The following GRM5 variants were observed in gnomAD, a reference collection of about 807,000 sequenced individuals.
GRM5 encodes glutamate metabotropic receptor 5.
Under a neutral mutation model 83.1 loss-of-function variants are expected in GRM5, and 19 were observed. The observed-to-expected ratio is 0.23, with a 90% CI of 0.16 to 0.34. The LOEUF is 0.34. Ranked by LOEUF, GRM5 falls within the 10% of genes least tolerant of loss-of-function variation. GRM5 has a pLI of 1.00. For synonymous variants in GRM5, 675 were observed against 633.6 expected (o/e 1.07, Z -0.98); for missense variants, 1,160 against 1,588.3 (o/e 0.73, Z 4.58).
At chr11:88,911,899 G>T (rs1478450150) in intron 2 of GRM5, 1 of 402,408 alleles carries the variant, frequency 2.5e-6, no homozygotes, top group African/African-American at 2.1e-5. Context: ...TGGAAATGGT[G>T]GTGGGGAACC....
chr11:88,932,364 G>T (rs1269818154), intron 2 of GRM5, among the ~76,000 whole-genome samples: 1 of 151,860 alleles, frequency 6.6e-6, no homozygotes, highest in Non-Finnish European at 1.5e-5. Context: ...CAGTTTATTG[G>T]CTAAAAAAGT....
intron 3 of GRM5, among the ~76,000 whole-genome samples, chr11:88,713,787 G>T (rs1358986573): frequency 2.6e-5 from 4 of 151,896 alleles, no homozygotes; most frequent in Non-Finnish European, 5.9e-5. Flanking sequence ...AAATTCATTT[G>T]GGGGCCTAAA....
At chr11:89,041,211 T>A (rs1941524842) in intron 2 of GRM5, among the ~76,000 whole-genome samples, 1 of 152,196 alleles carries the variant, frequency 6.6e-6, no homozygotes, top group Non-Finnish European at 1.5e-5. Context: ...CACATTTAGG[T>A]AAGCATCTGA....
intron 4 of GRM5, among the ~76,000 whole-genome samples, chr11:88,618,872 T>C (rs1185733542): frequency 2.0e-5 from 3 of 152,220 alleles, no homozygotes; most frequent in African/African-American, 7.2e-5. Context: ...GAGCCAGGAT[T>C]AACCTAGCCA....
At chr11:88,744,018 C>A (rs1942081839) in intron 3 of GRM5, among the ~76,000 whole-genome samples, 1 of 152,120 alleles carries the variant, frequency 6.6e-6, no homozygotes, top group South Asian at 2.1e-4. Flanking sequence ...CAACTGTCCA[C>A]AGATTTGTGA....
intron 9 of GRM5, among the ~76,000 whole-genome samples, chr11:88,510,473 C>G (rs909632620): frequency 1.3e-5 from 2 of 152,206 alleles, no homozygotes; most frequent in African/African-American, 2.4e-5. Flanking sequence ...CTTTCAGAAA[C>G]TTTACAAAGG....
At chr11:88,921,134 T>C (rs1945685389) in intron 2 of GRM5, among the ~76,000 whole-genome samples, 1 of 151,582 alleles carries the variant, frequency 6.6e-6, no homozygotes, top group East Asian at 1.9e-4. Flanking sequence ...TTAAAAACAA[T>C]ATTGTTAAAA....
chr11:88,587,071 G>A (rs2135201755), intron 7 of GRM5, among the ~76,000 whole-genome samples: 1 of 152,322 alleles, frequency 6.6e-6, no homozygotes, highest in African/African-American at 2.4e-5. Flanking sequence ...TTACAAATAT[G>A]TTTAAGGGAC....
intron 2 of GRM5, among the ~76,000 whole-genome samples, chr11:88,996,042 T>C (rs1461092263): frequency 1.3e-5 from 2 of 152,000 alleles, no homozygotes; most frequent in Non-Finnish European, 2.9e-5. Context: ...CAAGAGTATA[T>C]AGCTGCTAGT....
chr11:88,882,574 AG>A (rs1423053429), intron 2 of GRM5, among the ~76,000 whole-genome samples: 1 of 151,374 alleles, frequency 6.6e-6, no homozygotes, highest in African/African-American at 2.4e-5. Flanking sequence ...AAAAAAAAAA[AG>A]AATTGATAGA....
intron 3 of GRM5, among the ~76,000 whole-genome samples, chr11:88,794,883 T>C (rs2135478951): frequency 6.6e-6 from 1 of 152,300 alleles, no homozygotes; most frequent in South Asian, 2.1e-4. Context: ...ATGAGACCAG[T>C]TAGTGCAAAA....
intron 7 of GRM5, among the ~76,000 whole-genome samples, chr11:88,582,547 T>C (rs1268050480): frequency 1.3e-5 from 2 of 152,190 alleles, no homozygotes; most frequent in East Asian, 1.9e-4. Flanking sequence ...AGAAGCTAGA[T>C]AGCAGAATTC....
chr11:88,643,476 C>G (rs533884863), intron 4 of GRM5, among the ~76,000 whole-genome samples: 3 of 152,242 alleles, frequency 2.0e-5, no homozygotes, highest in Admixed American at 2.0e-4. Flanking sequence ...GTGCAGCATT[C>G]CTTCCTCTAG....
intron 3 of GRM5, among the ~76,000 whole-genome samples, chr11:88,726,677 C>G (rs1164023020): frequency 6.6e-6 from 1 of 152,166 alleles, no homozygotes; most frequent in Admixed American, 6.5e-5. Flanking sequence ...GCCCATCAGA[C>G]TAACAGTGGA....
chr11:88,903,232 G>C (rs1225408774), intron 2 of GRM5, among the ~76,000 whole-genome samples: 2 of 152,106 alleles, frequency 1.3e-5, no homozygotes, highest in Non-Finnish European at 2.9e-5. Context: ...TGGTAGAAGA[G>C]GAGATATGAG....
In GRM5 at chr11:88,987,839, G is replaced by C. The variant is rs1337420979; in HGVS notation, c.661+59373C>G. On this transcript the variant is annotated intron_variant, in intron 2 of 9. Transcript: ENST00000305447. The stretch of plus-strand genomic sequence containing the variant: ...GAAAACTAACAAACAGAAAGGACAT[G>C]CACACCAAAAACCCATCTGTACATC... Among the ~76,000 whole-genome samples, 593 of 149,898 alleles carry C rather than the reference G, an allele frequency of 4.0e-3. 4 individuals carry two copies. Among genetic ancestry groups the C allele is most frequent in the African/African-American group, 0.014 (566 of 40,062 alleles).
In GRM5 at chr11:88,720,964, G is replaced by T. The variant is rs578045316; in HGVS notation, c.912-67561C>A. On this transcript the variant is annotated intron_variant, in intron 3 of 9. Transcript: ENST00000305447. Reference sequence around the variant, plus strand: ...ATAATTTAAAAATAAATACACAGTGGTTAATGTGGGATAGCCATCACGTAG... The same window carrying T: ...ATAATTTAAAAATAAATACACAGTGTTTAATGTGGGATAGCCATCACGTAG... 2.6e-5 allele frequency among the ~76,000 whole-genome samples: 4 copies of T among 152,038 alleles called. 1 individual carries two copies. The South Asian group carries it at 8.3e-4, about 32-fold the overall frequency.
intron 3 of GRM5, among the ~76,000 whole-genome samples, chr11:88,699,311 G>A (rs1200837202): frequency 1.3e-5 from 2 of 152,066 alleles, no homozygotes; most frequent in South Asian, 2.1e-4. Flanking sequence ...AAAACTCATC[G>A]TGGAATCAGA....
At chr11:88,563,523 A>G (rs1043264711) in intron 8 of GRM5, among the ~76,000 whole-genome samples, 14 of 152,160 alleles carry the variant, frequency 9.2e-5, no homozygotes, top group African/African-American at 3.1e-4. Flanking sequence ...GGCATACCCA[A>G]TCTCAGATTA....
Sources: allele counts gnomAD v4.1 joint callset (sites outside exome capture counted in the v4.1 genomes callset), GRCh38; gene constraint gnomAD v4.1.1; transcripts MANE v1.5; gene names NCBI Gene and HGNC (gene_info 2026-07-23, HGNC 2026-07-21).